Variants in HTT observed in about 807,000 individuals in gnomAD.
HTT encodes huntington disease protein.
HTT carries 104 observed loss-of-function variants against 362.3 expected under a neutral mutation model. The ratio of observed to expected loss-of-function variants is 0.29; its 90% CI spans 0.24 to 0.34. The LOEUF is 0.34. Ranked by LOEUF, HTT falls within the 10% of genes least tolerant of loss-of-function variation. HTT has a pLI of 1.00. For synonymous variants in HTT, 1,577 were observed against 1,548.7 expected, an observed-to-expected ratio of 1.02 and a Z score of -0.43; for missense variants, 3,301 against 3,928.6, an observed-to-expected ratio of 0.84 and a Z score of 4.27.
intron 40 of HTT, among the ~76,000 whole-genome samples, chr4:3,189,343 T>C (rs935230883): frequency 1.3e-5 from 2 of 152,342 alleles, no homozygotes; most frequent in Non-Finnish European, 2.9e-5. Context: ...ATAGCAGCAT[T>C]ATTCACGATA....
chr4:3,113,895 C>G (rs1033824404), intron 6 of HTT, among the ~76,000 whole-genome samples: 1 of 151,808 alleles, frequency 6.6e-6, no homozygotes, highest in Non-Finnish European at 1.5e-5. Flanking sequence ...TCCAGAGGTG[C>G]CGAGACCAGC....
intron 28 of HTT, among the ~76,000 whole-genome samples, chr4:3,159,522 A>G (rs1485077832): frequency 6.6e-6 from 1 of 152,170 alleles, no homozygotes; most frequent in Non-Finnish European, 1.5e-5. Flanking sequence ...GGCTGGCCTT[A>G]GGGCACACCC....
At position 3,233,191 on chromosome 4, in the gene HTT, G is replaced by A. The variant is rs377150821; in HGVS notation, c.8294G>A (p.Arg2765His). ...MDKAVAEPVS[R>H]LLESTLRSSH... ...AAGGCCGTGGCGGAGCCTGTCAGCC[G>A]CCTGCTGGAGAGCACGCTCAGGAGC... is the stretch of plus-strand genomic sequence containing the variant. Residue 2765 changes from arginine (R) to histidine (H), a missense_variant, in exon 61 of 67, where the codon CGC becomes CAC. Transcript: ENST00000355072. The A allele has an allele frequency of 3.6e-5, 57 of 1,591,666 alleles. No homozygotes were observed. The highest frequency in any genetic ancestry group is 5.4e-5 in the African/African-American group (4 of 74,608).
intron 51 of HTT, among the ~76,000 whole-genome samples, chr4:3,216,086 A>T (rs370050734): frequency 6.6e-5 from 10 of 152,176 alleles, no homozygotes; most frequent in African/African-American, 2.2e-4. Context: ...TCATGAGTGC[A>T]CCAGTGCTTT....
At chr4:3,106,507 C>T (rs1714433144) in intron 5 of HTT, among the ~76,000 whole-genome samples, 1 of 152,162 alleles carries the variant, frequency 6.6e-6, no homozygotes, top group Non-Finnish European at 1.5e-5. Context: ...ACATAGCAGC[C>T]AAAGTGACCT....
chr4:3,210,808 G>A (rs1034455035), intron 47 of HTT, among the ~76,000 whole-genome samples: 3 of 152,140 alleles, frequency 2.0e-5, no homozygotes, highest in Admixed American at 2.0e-4. Context: ...AGACCTTGTG[G>A]GGAGGGCAAC....
At position 3,129,940 on chromosome 4, in the gene HTT, A is replaced by G. The variant is rs1715722467; in HGVS notation, c.1760A>G (p.Asp587Gly). The change falls in exon 13 of 67, where the codon GAC becomes GGC. Residue 587 changes from aspartate to glycine, a missense_variant. Around this residue, in one of 4 missense-constraint regions of HTT, gnomAD observed 2,316 missense variants for 2,658.5 expected, o/e 0.87. Transcript: ENST00000355072. ...ACCGTTTAGGTGTTAGACGGTACCG[A>G]CAACCAGTATTTGGGCCTGCAGATT... ...DSSEIVLDGT[D>G]NQYLGLQIGQ... The G allele has an allele frequency of 6.2e-7, 1 of 1,613,982 alleles. No individual in the cohort carries two copies. The highest frequency in any genetic ancestry group is 1.3e-5 in the African/African-American group (1 of 74,902).
At chr4:3,210,528 A>C (rs1720102093) in intron 47 of HTT, among the ~76,000 whole-genome samples, 2 of 152,150 alleles carry the variant, frequency 1.3e-5, no homozygotes, top group South Asian at 2.1e-4. Flanking sequence ...CAGATGTCAG[A>C]GGGCACCCTG....
chr4:3,212,989 A>G (rs1322395867), intron 49 of HTT: 2 of 385,900 alleles, frequency 5.2e-6, no homozygotes, highest in African/African-American at 2.0e-5. Flanking sequence ...ATGAAAAATA[A>G]TCATCTGGAA....
intron 51 of HTT, among the ~76,000 whole-genome samples, chr4:3,216,944 G>A (rs1351473375): frequency 2.7e-5 from 4 of 150,580 alleles, no homozygotes; most frequent in Admixed American, 2.0e-4. Context: ...AGAATGGCGT[G>A]AACCCGGGAG....
In HTT at chr4:3,142,876, G is replaced by A; in HGVS notation, c.3056G>A (p.Arg1019Lys). 6.2e-7 allele frequency: 1 copy of A among 1,612,908 alleles called. No homozygotes were observed. The highest frequency in any genetic ancestry group is 8.5e-7 in the Non-Finnish European group (1 of 1,179,152). Residue 1019 changes from arginine to lysine, a missense_variant, in exon 23 of 67, where the codon AGA becomes AAA. By Grantham distance (26) the Arg-to-Lys change is conservative. Around this residue, in one of 4 missense-constraint regions of HTT, gnomAD observed 2,316 missense variants for 2,658.5 expected, o/e 0.87. Coordinates refer to ENST00000355072, the MANE Select transcript of HTT (RefSeq NM_001388492.1). ...VSHELITSTTRALTFGCCEAL... is the reference protein window; with the variant it reads ...VSHELITSTTKALTFGCCEAL... ...CATGAACTAATCACATCAACCACCA[G>A]AGCACTCACAGTAAGTCTCTTTCTT...
At chr4:3,086,684 A>G (rs1000142891) in intron 1 of HTT, among the ~76,000 whole-genome samples, 4 of 152,138 alleles carry the variant, frequency 2.6e-5, no homozygotes, top group Non-Finnish European at 5.9e-5. Context: ...AAAAAAGTAA[A>G]ATAAAGTAAA....
rs181269121 is a variant in HTT, at chr4:3,085,129, C to T, written c.264-1810C>T. Among the ~76,000 whole-genome samples, 501 of 151,746 alleles carry T rather than the reference C, an allele frequency of 3.3e-3. 5 individuals carry two copies. The highest frequency in any genetic ancestry group is 0.012 in the African/African-American group (479 of 41,376). ...TGATTACACAATTAGAGGAGGCTGGCGGAGGATTGTTTTAATTTTTTTTTT... is the reference window on the plus strand; with the variant it reads ...TGATTACACAATTAGAGGAGGCTGGTGGAGGATTGTTTTAATTTTTTTTTT... On this transcript the variant is annotated intron_variant, in intron 1 of 66. Coordinates refer to ENST00000355072, the MANE Select transcript of HTT (RefSeq NM_001388492.1).
At chr4:3,102,640 C>T (rs1330196649) in intron 3 of HTT, among the ~76,000 whole-genome samples, 1 of 152,196 alleles carries the variant, frequency 6.6e-6, no homozygotes, top group African/African-American at 2.4e-5. Context: ...CCATCTCAGT[C>T]CACTTACATC....
intron 1 of HTT, among the ~76,000 whole-genome samples, chr4:3,081,067 G>C (rs1055783112): frequency 6.6e-6 from 1 of 152,156 alleles, no homozygotes; most frequent in African/African-American, 2.4e-5. Context: ...TGGCCATGCT[G>C]GGTCCCTTGC....
chr4:3,172,454 G>T (rs1011661155), intron 30 of HTT, 57 bp downstream of exon 30: 1 of 1,091,782 alleles, frequency 9.2e-7, no homozygotes, highest in Non-Finnish European at 1.4e-6. Context: ...ACAGCAAAAC[G>T]CTGCTACTCC....
chr4:3,195,018 A>G (rs1719181476), intron 40 of HTT, among the ~76,000 whole-genome samples: 1 of 152,214 alleles, frequency 6.6e-6, no homozygotes, highest in Non-Finnish European at 1.5e-5. Flanking sequence ...ATCCTGTGCC[A>G]AAACCAAGAA....
In HTT at chr4:3,115,339, A is replaced by C; in HGVS notation, c.783A>C (p.Ser261=). The part of the protein sequence containing the change: ...LLKAFIANLK[S]SSPTIRRTAA... ...AGGCCTTCATAGCGAACCTGAAGTC[A>C]AGCTCCCCCACCATTCGGCGGACAG... The change falls in exon 7 of 67, where the codon TCA becomes TCC. Residue 261 remains serine, a synonymous_variant. Transcript: ENST00000355072. 1 of 1,614,204 alleles carries C rather than the reference A, an allele frequency of 6.2e-7. No homozygotes were observed. The highest frequency in any genetic ancestry group is 8.5e-7 in the Non-Finnish European group (1 of 1,180,024).
At chr4:3,135,073 C>T (rs796721951) in intron 19 of HTT, among the ~76,000 whole-genome samples, 17 of 151,232 alleles carry the variant, frequency 1.1e-4, no homozygotes, top group African/African-American at 4.1e-4. Flanking sequence ...TGGTAGTCCT[C>T]GTCATTTAAG....
Sources: allele counts gnomAD v4.1 joint callset (sites outside exome capture counted in the v4.1 genomes callset), GRCh38; gene constraint gnomAD v4.1.1; regional missense constraint gnomAD v4.1.1; transcripts MANE v1.5; gene names NCBI Gene and HGNC (gene_info 2026-07-23, HGNC 2026-07-21).